DTNA: variants seen among roughly 807,000 people sequenced by gnomAD.
The protein encoded by DTNA is dystrophin-related protein 3.
DTNA carries 43 observed loss-of-function variants against 100.7 expected under a neutral mutation model. The observed-to-expected ratio is 0.43, with a 90% CI of 0.33 to 0.55. The LOEUF is 0.55. Ranked by LOEUF, DTNA falls within the 20% of genes least tolerant of loss-of-function variation. DTNA has a pLI of 0.04. For missense variants in DTNA, 798 were observed against 953.9 expected, an observed-to-expected ratio of 0.84 and a Z score of 2.15; for synonymous variants, 349 against 347.9, an observed-to-expected ratio of 1.00 and a Z score of -0.04.
chr18:34,507,532 G>C (rs537546093), intron 1 of DTNA, among the ~76,000 whole-genome samples: 12 of 152,264 alleles, frequency 7.9e-5, no homozygotes, highest in Admixed American at 6.5e-4. Context: ...AGAATTCTCT[G>C]CTTGAAACCA....
chr18:34,815,174 A>G (rs928736915), intron 6 of DTNA, among the ~76,000 whole-genome samples: 2 of 152,116 alleles, frequency 1.3e-5, no homozygotes, highest in Non-Finnish European at 2.9e-5. Context: ...CAAAATTTCA[A>G]GTAGTGATTT....
intron 14 of DTNA, among the ~76,000 whole-genome samples, chr18:34,850,559 G>A (rs2096461268): frequency 6.6e-6 from 1 of 152,186 alleles, no homozygotes; most frequent in African/African-American, 2.4e-5. Flanking sequence ...TTAGGTTTAT[G>A]GACATTAAAA....
At chr18:34,538,965 C>A (rs1279518723) in intron 1 of DTNA, among the ~76,000 whole-genome samples, 3 of 151,700 alleles carry the variant, frequency 2.0e-5, no homozygotes. Flanking sequence ...AAAACAAATA[C>A]CACACTCAGA....
At chr18:34,494,767 G>C (rs1403900930) in intron 1 of DTNA, among the ~76,000 whole-genome samples, 6 of 152,044 alleles carry the variant, frequency 3.9e-5, no homozygotes, top group Non-Finnish European at 8.8e-5. Flanking sequence ...CTTTTGAGTT[G>C]ATGCTTATGT....
chr18:34,887,776 G>A lies in DTNA; in HGVS notation c.*42G>A, dbSNP rs909714298. ...ATTCCTTATTCCCAGGCAAGCTATA[G>A]TCAGACAGATGATGAAAGTAACATG... On this transcript the variant is annotated 3_prime_UTR_variant, in exon 23 of 23. Transcript: ENST00000444659. 15 of 985,466 alleles carry A rather than the reference G, an allele frequency of 1.5e-5. No individual in the cohort carries two copies. Among genetic ancestry groups the A allele is most frequent in the Admixed American group, 1.2e-4 (2 of 16,262 alleles). 61.0% of individuals were successfully genotyped at this position (985,466 alleles called of 1,614,324 possible).
intron 1 of DTNA, among the ~76,000 whole-genome samples, chr18:34,507,073 T>C (rs879427571): frequency 2.6e-5 from 4 of 152,092 alleles, no homozygotes; most frequent in Non-Finnish European, 4.4e-5. Flanking sequence ...GATAGATGGG[T>C]TCACAATGCA....
intron 1 of DTNA, among the ~76,000 whole-genome samples, chr18:34,718,216 A>C (rs1309548023): frequency 6.6e-6 from 1 of 152,176 alleles, no homozygotes; most frequent in Non-Finnish European, 1.5e-5. Context: ...AGGCGCAACT[A>C]CATCATGTAT....
At position 34,764,724 on chromosome 18, in the gene DTNA, C is replaced by T. The variant is rs145585809; in HGVS notation, c.68-1237C>T. On this transcript the variant is annotated intron_variant, in intron 2 of 22. Coordinates refer to ENST00000444659, the MANE Select transcript of DTNA (RefSeq NM_001386795.1). ...TTTCACTGGGAAAGCACTTAATTGG[C>T]CGTCTAATATAATCGCTTCCAGGAT... Among the ~76,000 whole-genome samples, 85 of 152,318 alleles carry T rather than the reference C, an allele frequency of 5.6e-4. 1 individual carries two copies. The East Asian group carries it at 0.01, about 18-fold the overall frequency.
At chr18:34,578,209 A>AT (rs1164840679) in intron 1 of DTNA, among the ~76,000 whole-genome samples, 1 of 151,618 alleles carries the variant, frequency 6.6e-6, no homozygotes, top group Non-Finnish European at 1.5e-5. Flanking sequence ...TTTGATTTGC[A>AT]TTTCCCTAAT....
chr18:34,835,204 A>G (rs1401225884), intron 11 of DTNA, among the ~76,000 whole-genome samples: 1 of 152,232 alleles, frequency 6.6e-6, no homozygotes, highest in Non-Finnish European at 1.5e-5. Context: ...AACAGTGAGT[A>G]TCAAAAAGTT....
At chr18:34,706,136 C>T (rs1413535073), upstream of DTNA, among the ~76,000 whole-genome samples, 1 of 152,002 alleles carries the variant, frequency 6.6e-6, no homozygotes, top group Non-Finnish European at 1.5e-5. Flanking sequence ...TTAGCAGAGA[C>T]GGGGTTCTTC....
intron 1 of DTNA, among the ~76,000 whole-genome samples, chr18:34,527,645 A>AT (rs538775608): frequency 4.4e-4 from 67 of 152,230 alleles, no homozygotes; most frequent in African/African-American, 1.6e-3. Flanking sequence ...TTGATCTACG[A>AT]TTTTTTAGAG....
intron 5 of DTNA, among the ~76,000 whole-genome samples, chr18:34,807,974 A>C (rs1170972534): frequency 6.6e-6 from 1 of 151,886 alleles, no homozygotes; most frequent in Admixed American, 6.6e-5. Flanking sequence ...TAAGGAAGGA[A>C]GTTCTGAGAA....
intron 11 of DTNA, among the ~76,000 whole-genome samples, chr18:34,833,404 CTGTGTG>C (rs58409064): frequency 1.4e-3 from 209 of 144,996 alleles, no homozygotes; most frequent in African/African-American, 4.8e-3. Flanking sequence ...CATTGTGTCA[CTGTGTG>C]TGTGTGTGTG....
intron 1 of DTNA, among the ~76,000 whole-genome samples, chr18:34,543,012 C>G (rs948019057): frequency 6.6e-6 from 1 of 151,956 alleles, no homozygotes; most frequent in African/African-American, 2.4e-5. Context: ...GACCTCTGAG[C>G]CTTTACAAAT....
intron 1 of DTNA, among the ~76,000 whole-genome samples, chr18:34,584,857 A>G (rs1431480525): frequency 2.6e-5 from 4 of 152,144 alleles, no homozygotes; most frequent in Admixed American, 2.6e-4. Context: ...CAAGCAAGGA[A>G]AGGAACAAAG....
intron 1 of DTNA, among the ~76,000 whole-genome samples, chr18:34,700,563 C>G (rs1010422299): frequency 6.6e-6 from 1 of 152,190 alleles, no homozygotes; most frequent in African/African-American, 2.4e-5. Context: ...GTCCTGCCAT[C>G]ACATTCACCA....
At position 34,687,965 on chromosome 18, in the gene DTNA, C is replaced by CT. The variant is rs553865161; in HGVS notation, c.-1-68001dup. The stretch of plus-strand genomic sequence containing the variant: ...TCAGAGACGAGGATTGCAACTTCTG[C>CT]TTTTTTTTTTCTTCTTTCTGTTTGC... On this transcript the variant is annotated intron_variant, in intron 1 of 19. Coordinates refer to the DTNA transcript ENST00000283365. 1.0e-3 allele frequency among the ~76,000 whole-genome samples: 155 copies of CT among 149,190 alleles called. 1 individual carries two copies. Among genetic ancestry groups the CT allele is most frequent in the African/African-American group, 3.3e-3 (134 of 40,728 alleles).
rs2077015591 is a variant in DTNA at position 34,673,438 on chromosome 18, T to TA, written c.-1-82533dup. ...TACAGGCATGAGCCACCTTACCTTT[T>TA]AAAAATGCAAGTATCATCTCGATAA... On this transcript the variant is annotated intron_variant, in intron 1 of 19. Transcript: ENST00000283365. 3.3e-5 allele frequency among the ~76,000 whole-genome samples: 5 copies of TA among 150,878 alleles called. No homozygotes were observed. In the South Asian group the frequency reaches 8.4e-4, roughly 25 times the overall value.
Sources: allele counts gnomAD v4.1 joint callset (sites outside exome capture counted in the v4.1 genomes callset), GRCh38; gene constraint gnomAD v4.1.1; transcripts MANE v1.5; gene names NCBI Gene and HGNC (gene_info 2026-07-23, HGNC 2026-07-21).